Variants in EDEM2 observed in about 807,000 individuals in gnomAD.
The protein encoded by EDEM2 is ER degradation enhancing alpha-mannosidase like protein 2.
In EDEM2, 39 loss-of-function variants were observed where a neutral mutation model predicts 64.8. The observed-to-expected ratio is 0.60, with a 90% CI of 0.47 to 0.79. The LOEUF (loss-of-function observed/expected upper bound fraction) is 0.79, where lower values mean the gene tolerates loss of function less well. Ranked by LOEUF, EDEM2 falls within the 30% of genes least tolerant of loss-of-function variation. The probability of loss-of-function intolerance (pLI) is 0.00; values close to 1 mark genes in which losing one functional copy is unlikely to be tolerated. For synonymous variants in EDEM2, 296 were observed against 291.5 expected (o/e 1.02, Z -0.16); for missense variants, 609 against 731.3 (o/e 0.83, Z 1.93).
chr20:35,144,915 C>T (rs1243866728), intron 3 of EDEM2, 64 bp downstream of exon 3: 2 of 1,565,194 alleles, frequency 1.3e-6, no homozygotes, highest in East Asian at 2.3e-5. Flanking sequence ...AGTCACGCTG[C>T]CAAAAGAGGA....
At chr20:35,127,432 A>G (rs978485737) in intron 7 of EDEM2, among the ~76,000 whole-genome samples, 10 of 152,202 alleles carry the variant, frequency 6.6e-5, no homozygotes, top group Non-Finnish European at 1.3e-4. Flanking sequence ...ACATTCTAGT[A>G]GGAACTTGAA....
At chr20:35,129,548 G>C (rs1000977504) in intron 7 of EDEM2, among the ~76,000 whole-genome samples, 1 of 149,280 alleles carries the variant, frequency 6.7e-6, no homozygotes, top group East Asian at 1.9e-4. Context: ...TCCAGCCTGG[G>C]CAACAGAGCA....
At chr20:35,116,105 G>C (rs2085306855) in intron 10 of EDEM2, among the ~76,000 whole-genome samples, 172 bp from the exon 11 acceptor site, 1 of 152,126 alleles carries the variant, frequency 6.6e-6, no homozygotes, top group Non-Finnish European at 1.5e-5. Context: ...CTCTCACCTG[G>C]ATTATCACAT....
intron 7 of EDEM2, among the ~76,000 whole-genome samples, chr20:35,128,282 C>CCAAGG (rs1447061550): frequency 1.3e-5 from 2 of 150,962 alleles, no homozygotes; most frequent in Admixed American, 6.6e-5. Flanking sequence ...ACTCGGGAGG[C>CCAAGG]TGAGGCAGGA....
chr20:35,136,330 G>C (rs957762527), intron 5 of EDEM2, among the ~76,000 whole-genome samples: 4 of 152,136 alleles, frequency 2.6e-5, no homozygotes, highest in African/African-American at 9.7e-5. Context: ...GTTTCCTCCA[G>C]GGATGAATCA....
At position 35,126,358 on chromosome 20, in the gene EDEM2, G is replaced by A. The variant is rs142261885; in HGVS notation, c.862C>T (p.Arg288Trp). The change falls in exon 8 of 11, where the codon CGG becomes TGG. Residue 288 changes from arginine (R) to tryptophan (W), a missense_variant. Coordinates refer to ENST00000374492, the MANE Select transcript of EDEM2 (RefSeq NM_018217.3). Reference protein sequence around the residue: ...AMFLEYNKAIRNYTRFDDWYL... With the variant: ...AMFLEYNKAIWNYTRFDDWYL... ...CAGTCATCGAAGCGGGTGTAGTTCCGGATGGCTTTGTTATACTCTGCAGTG... is the reference window on the plus strand; with the variant it reads ...CAGTCATCGAAGCGGGTGTAGTTCCAGATGGCTTTGTTATACTCTGCAGTG... 2.0e-5 allele frequency: 33 copies of A among 1,613,750 alleles called. No homozygotes were observed. Among genetic ancestry groups the A allele is most frequent in the Middle Eastern group, 1.7e-4 (1 of 5,974 alleles).
chr20:35,139,537 C>A (rs573091555), intron 4 of EDEM2, among the ~76,000 whole-genome samples: 1 of 151,216 alleles, frequency 6.6e-6, no homozygotes, highest in African/African-American at 2.4e-5. Flanking sequence ...GTAGTCCCAG[C>A]TACTCGGGAG....
chr20:35,115,772 C>G lies in EDEM2; in HGVS notation c.1398G>C (p.Leu466=). The G allele has an allele frequency of 1.2e-6, 2 of 1,613,620 alleles. No individual in the cohort carries two copies. The highest frequency in any genetic ancestry group is 1.1e-5 in the South Asian group (1 of 91,082). The change falls in exon 11 of 11, where the codon CTG becomes CTC. Residue 466 remains leucine, a synonymous_variant. Transcript: ENST00000374492. ...TGTTGAAGATGTACCCCCCAGCCCC[C>G]AGGATGCACTCCCCATAGGGGGTGA... ...AVITPYGECI[L]GAGGYIFNTE...
At chr20:35,126,486 T>G (rs759196861) in intron 7 of EDEM2, 111 bp from the exon 8 acceptor site, 6 of 1,329,488 alleles carry the variant, frequency 4.5e-6, no homozygotes, top group Admixed American at 4.1e-5. Context: ...CAGGATGCAA[T>G]GAGGCAAGGA....
rs754810516 is a variant in EDEM2 at position 35,131,797 on chromosome 20, A to G, written c.703-14T>C. On this transcript the variant is annotated splice_polypyrimidine_tract_variant and intron_variant, in intron 6 of 10. Coordinates refer to ENST00000374492, the MANE Select transcript of EDEM2 (RefSeq NM_018217.3). Reference sequence around the variant, plus strand: ...GTGGTTGCCGACCTGAGAGAGAGAAAGACACACGGTCCCAACGGGAAGGCC... The same window carrying G: ...GTGGTTGCCGACCTGAGAGAGAGAAGGACACACGGTCCCAACGGGAAGGCC... 12 of 1,612,608 alleles carry G rather than the reference A, an allele frequency of 7.4e-6. No individual in the cohort carries two copies. The highest frequency in any genetic ancestry group is 9.3e-6 in the Non-Finnish European group (11 of 1,178,988).
Position 35,131,702 on chromosome 20 carries a change from C to CA in EDEM2, c.783dup (p.Glu262Ter). On this transcript the variant is annotated frameshift_variant, in exon 7 of 11. Coordinates refer to ENST00000374492, the MANE Select transcript of EDEM2 (RefSeq NM_018217.3). LOFTEE classifies it high-confidence loss of function. Reference sequence around the variant, plus strand: ...AGGATGGCTCCTTTCACCAAGTACTCAAAGTAGGAGTCCACGCCAGCCCCG... The same window carrying CA: ...AGGATGGCTCCTTTCACCAAGTACTCAAAAGTAGGAGTCCACGCCAGCCCCG... The CA allele has an allele frequency of 6.2e-7, 1 of 1,614,238 alleles. No individual in the cohort carries two copies. Among genetic ancestry groups the CA allele is most frequent in the Non-Finnish European group, 8.5e-7 (1 of 1,180,040 alleles).
chr20:35,123,903 G>T lies in EDEM2; in HGVS notation c.1101C>A (p.Tyr367Ter), dbSNP rs2085399059. The T allele has an allele frequency of 6.2e-7, 1 of 1,614,030 alleles. No individual in the cohort carries two copies. Among genetic ancestry groups the T allele is most frequent in the Non-Finnish European group, 8.5e-7 (1 of 1,179,988 alleles). ...QGYTVEKREG[Y>*]PLRPELIESA... ...AATGCTGCTCACCTGGCCGAAGTGG[G>T]TAGCCCTCTCGCTTCTCCACTGTGT... is the stretch of plus-strand genomic sequence containing the variant. Residue 367 changes from tyrosine to a stop codon, truncating the protein, a stop_gained, in exon 9 of 11, where the codon TAC (tyrosine) becomes TAA (stop). Transcript: ENST00000374492. LOFTEE classifies it high-confidence loss of function.
intron 7 of EDEM2, among the ~76,000 whole-genome samples, chr20:35,128,485 G>T (rs570099747): frequency 6.7e-6 from 1 of 149,244 alleles, no homozygotes; most frequent in East Asian, 1.9e-4. Context: ...CAGGAGAATT[G>T]AACCTGGGAG....
At position 35,138,012 on chromosome 20, in the gene EDEM2, A is replaced by C; in HGVS notation, c.365-7T>G. 6.2e-7 allele frequency: 1 copy of C among 1,613,736 alleles called. No individual in the cohort carries two copies. Among genetic ancestry groups the C allele is most frequent in the Non-Finnish European group, 8.5e-7 (1 of 1,179,866 alleles). ...GACAGGAGTCCTCCTACCACTACAGATGGCACAGAAAGCAAATGGCACAGT... is the reference window on the plus strand; with the variant it reads ...GACAGGAGTCCTCCTACCACTACAGCTGGCACAGAAAGCAAATGGCACAGT... On this transcript the variant is annotated splice_region_variant and splice_polypyrimidine_tract_variant and intron_variant, in intron 4 of 10. Coordinates refer to ENST00000374492, the MANE Select transcript of EDEM2 (RefSeq NM_018217.3).
intron 3 of EDEM2, among the ~76,000 whole-genome samples, chr20:35,142,805 G>A (rs1182671139): frequency 6.6e-6 from 1 of 152,180 alleles, no homozygotes; most frequent in Non-Finnish European, 1.5e-5. Context: ...TCGCTCTGCT[G>A]CCCAGGGTAG....
At chr20:35,146,766 G>A in intron 2 of EDEM2, 59 bp downstream of exon 2, 1 of 1,571,686 alleles carries the variant, frequency 6.4e-7, no homozygotes, top group Non-Finnish European at 8.6e-7. Context: ...CAGCTGACCC[G>A]CCCGCCGAGG....
chr20:35,126,418 G>A (rs768470487), intron 7 of EDEM2, 43 bp from the exon 8 acceptor site: 1 of 1,606,196 alleles, frequency 6.2e-7, no homozygotes, highest in South Asian at 1.1e-5. Context: ...GAGTGATTAG[G>A]GAGAAAAAAG....
intron 8 of EDEM2, 39 bp from the exon 9 acceptor site, chr20:35,124,073 G>C (rs959099362): frequency 6.3e-6 from 10 of 1,594,194 alleles, no homozygotes; most frequent in Non-Finnish European, 8.6e-6. Context: ...TAGACACCAG[G>C]CATAAAACCC....
intron 9 of EDEM2, among the ~76,000 whole-genome samples, chr20:35,119,751 T>C (rs1197083696): frequency 6.6e-6 from 1 of 152,168 alleles, no homozygotes; most frequent in Middle Eastern, 3.2e-3. Flanking sequence ...ACATGAGCTC[T>C]ACCTTAAGAT....
Sources: gnomAD v4.1 joint callset for allele counts (sites outside exome capture counted in the v4.1 genomes callset) on GRCh38, gnomAD v4.1.1 for gene constraint, MANE v1.5 for transcripts, NCBI Gene and HGNC (gene_info 2026-07-23, HGNC 2026-07-21) for gene names.